The following TMED7 variants were observed in gnomAD, a reference collection of about 807,000 sequenced individuals.
TMED7 encodes the protein transmembrane p24 trafficking protein 7.
A neutral mutation model predicts 23.4 loss-of-function variants in TMED7; 8 were observed. The ratio of observed to expected loss-of-function variants is 0.34; its 90% confidence interval spans 0.20 to 0.62. TMED7 has a LOEUF of 0.62. Among genes scored for constraint, TMED7 ranks in the 20% least tolerant of loss-of-function variants. The pLI is 0.77. For synonymous variants in TMED7, 121 were observed against 108.5 expected (o/e 1.12, Z -0.72); for missense variants, 232 against 279.1 (o/e 0.83, Z 1.20).
chr5:115,616,862 AAAAAT>A lies in TMED7; in HGVS notation c.439-422_439-418del, dbSNP rs528719750. Reference sequence around the variant, plus strand: ...TATAAGTCAAAGCCCAAATATCTATAAAAATAAACAAAGCACAGTACAAAAAAAAG... The same window carrying A: ...TATAAGTCAAAGCCCAAATATCTATAAAACAAAGCACAGTACAAAAAAAAG... On this transcript the variant is annotated intron_variant, in intron 2 of 2. Transcript: ENST00000456936. Among the ~76,000 whole-genome samples the A allele has an allele frequency of 3.3e-5, 5 of 152,354 alleles. No homozygotes were observed. In the South Asian group the frequency reaches 1.0e-3, roughly 32 times the overall value.
chr5:115,622,556 A>C (rs909987696), intron 1 of TMED7, among the ~76,000 whole-genome samples: 6 of 152,192 alleles, frequency 3.9e-5, no homozygotes. Context: ...GGTCCTGTGC[A>C]CTGTGACACG....
At position 115,622,198 on chromosome 5, in the gene TMED7, C is replaced by A. The variant is rs73260567; in HGVS notation, c.193-1518G>T. ...AATAATCAAACACATACATACAAAC[C>A]GAATAGCACCAGAACTTATCATCAC... On this transcript the variant is annotated intron_variant, in intron 1 of 2. Coordinates refer to ENST00000456936, the MANE Select transcript of TMED7 (RefSeq NM_181836.6). 8.9e-3 allele frequency among the ~76,000 whole-genome samples: 1,352 copies of A among 152,124 alleles called. 15 individuals are homozygous for A. The highest frequency in any genetic ancestry group is 0.031 in the African/African-American group (1,287 of 41,470).
chr5:115,618,916 G>C (rs532998498), intron 2 of TMED7, among the ~76,000 whole-genome samples: 1 of 151,060 alleles, frequency 6.6e-6, no homozygotes. Context: ...TGGTAATTTT[G>C]TTCTGAACTT....
intron 1 of TMED7, among the ~76,000 whole-genome samples, chr5:115,625,010 T>C (rs1757152922): frequency 6.6e-6 from 1 of 152,254 alleles, no homozygotes. Context: ...CAGTAAAGAC[T>C]GTTCTAACCA....
Position 115,620,573 on chromosome 5 carries a change from G to A in TMED7, c.300C>T (p.Ala100=). ...KKQYDSFTFT[A]SKNGTYKFCF... ...AAAATTTGTATGTCCCATTTTTGGAGGCTGTGAAGGTAAAACTATCATACT... is the reference window on the plus strand; with the variant it reads ...AAAATTTGTATGTCCCATTTTTGGAAGCTGTGAAGGTAAAACTATCATACT... Residue 100 remains alanine (A), a synonymous_variant, in exon 2 of 3, where the codon GCC becomes GCT. Coordinates refer to ENST00000456936, the MANE Select transcript of TMED7 (RefSeq NM_181836.6). 6.2e-7 allele frequency: 1 copy of A among 1,606,966 alleles called. No homozygotes were observed. The highest frequency in any genetic ancestry group is 1.1e-5 in the South Asian group (1 of 89,426).
Position 115,616,488 on chromosome 5 carries a change from T to C in TMED7, c.439-43A>G, listed in dbSNP as rs373492578. On this transcript the variant is annotated intron_variant, in intron 2 of 2. Transcript: ENST00000456936. ...CAGTCAGTATGTGTGATACTTTCTG[T>C]AGACTTCATCTATCATATTCAGCTT... 6 of 1,611,974 alleles carry C rather than the reference T, an allele frequency of 3.7e-6. No homozygotes were observed. In the African/African-American group the frequency reaches 5.3e-5, roughly 14 times the overall value.
chr5:115,625,883 C>T lies in TMED7; in HGVS notation c.-91G>A. 7.6e-7 allele frequency: 1 copy of T among 1,317,088 alleles called. No homozygotes were observed. Among genetic ancestry groups the T allele is most frequent in the Non-Finnish European group, 9.6e-7 (1 of 1,039,096 alleles). 81.6% of individuals were successfully genotyped at this position (1,317,088 alleles called of 1,614,324 possible). On this transcript the variant is annotated 5_prime_UTR_variant, in exon 1 of 3. Transcript: ENST00000456936. The stretch of plus-strand genomic sequence containing the variant: ...CGCGCGCGGCAGGCCTCAGCGCAGG[C>T]CACCCCGCAAAGATACACAGCAGAG...
chr5:115,615,907 A>T lies in TMED7; in HGVS notation c.*302T>A. Reference sequence around the variant, plus strand: ...AGAAAAGTAGTCTTAAATGGTTAAAAGGAATCAAAATACCAAAGTTTAGTG... The same window carrying T: ...AGAAAAGTAGTCTTAAATGGTTAAATGGAATCAAAATACCAAAGTTTAGTG... On this transcript the variant is annotated 3_prime_UTR_variant, in exon 3 of 3. Coordinates refer to ENST00000456936, the MANE Select transcript of TMED7 (RefSeq NM_181836.6). 1 of 329,344 alleles carries T rather than the reference A, an allele frequency of 3.0e-6. No individual in the cohort carries two copies. Among genetic ancestry groups the T allele is most frequent in the Non-Finnish European group, 5.6e-6 (1 of 177,856 alleles). 20.4% of individuals were successfully genotyped at this position (329,344 alleles called of 1,614,324 possible).
rs1757200908 is a variant in TMED7 at position 115,625,911 on chromosome 5, G to A, written c.-119C>T. ...CCCCGCAAAGATACACAGCAGAGCAGGTTCACGCCTGTGGGAGATTCGGGA... is the reference window on the plus strand; with the variant it reads ...CCCCGCAAAGATACACAGCAGAGCAAGTTCACGCCTGTGGGAGATTCGGGA... On this transcript the variant is annotated 5_prime_UTR_variant, in exon 1 of 3. Coordinates refer to ENST00000456936, the MANE Select transcript of TMED7 (RefSeq NM_181836.6). The A allele has an allele frequency of 3.2e-6, 4 of 1,257,918 alleles. No homozygotes were observed. Among genetic ancestry groups the A allele is most frequent in the Non-Finnish European group, 4.0e-6 (4 of 994,856 alleles). 77.9% of individuals were successfully genotyped at this position (1,257,918 alleles called of 1,614,324 possible).
At chr5:115,624,735 C>T (rs2112579927) in intron 1 of TMED7, among the ~76,000 whole-genome samples, 1 of 152,342 alleles carries the variant, frequency 6.6e-6, no homozygotes, top group East Asian at 1.9e-4. Context: ...TCCCCCTCCT[C>T]CCTTACCAAG....
In TMED7 at chr5:115,616,176, AGT is replaced by A. The variant is rs1756732393; in HGVS notation, c.*31_*32del. 1 of 1,583,034 alleles carries A rather than the reference AGT, an allele frequency of 6.3e-7. No individual in the cohort carries two copies. Reference sequence around the variant, plus strand: ...ATTAATTAGAGGACAGCAATATTACAGTGGCAATGGTGCATCAATTCTCAAAA... The same window carrying A: ...ATTAATTAGAGGACAGCAATATTACAGGCAATGGTGCATCAATTCTCAAAA... On this transcript the variant is annotated 3_prime_UTR_variant, in exon 3 of 3. Coordinates refer to ENST00000456936, the MANE Select transcript of TMED7 (RefSeq NM_181836.6).
Position 115,615,492 on chromosome 5 carries a change from T to C in TMED7, c.*717A>G, listed in dbSNP as rs1756686317. 6.6e-6 allele frequency: 1 copy of C among 152,310 alleles called. No homozygotes were observed. The highest frequency in any genetic ancestry group is 1.5e-5 in the Non-Finnish European group (1 of 68,026). The allele number at this position is 152,310 out of a possible 1,614,324, so 9.4% of individuals were successfully genotyped here. On this transcript the variant is annotated 3_prime_UTR_variant, in exon 3 of 3. Transcript: ENST00000456936. The stretch of plus-strand genomic sequence containing the variant: ...TTTCATTTGCCCCCATTGTAGTGTC[T>C]TAAATTATTCTGTAATATTTCTACC...
chr5:115,620,591 A>T lies in TMED7; in HGVS notation c.282T>A (p.Asp94Glu). The T allele has an allele frequency of 6.2e-7, 1 of 1,604,758 alleles. No homozygotes were observed. Among genetic ancestry groups the T allele is most frequent in the Non-Finnish European group, 8.5e-7 (1 of 1,176,510 alleles). The part of the protein sequence containing the change: ...VLYKEMKKQY[D>E]SFTFTASKNG... ...TTTTGGAGGCTGTGAAGGTAAAACT[A>T]TCATACTGTTTCTTCATCTCTTTGT... The change falls in exon 2 of 3, where the codon GAT (aspartate) becomes GAA (glutamate). Residue 94 changes from aspartate to glutamate, a missense_variant. Transcript: ENST00000456936.
intron 2 of TMED7, among the ~76,000 whole-genome samples, chr5:115,618,539 T>G (rs1756885816): frequency 6.6e-6 from 1 of 152,224 alleles, no homozygotes; most frequent in South Asian, 2.1e-4. Context: ...CTGTGGCATT[T>G]CCCACGTCCT....
rs1057277702 is a variant in TMED7 at position 115,615,656 on chromosome 5, C to G, written c.*553G>C. On this transcript the variant is annotated 3_prime_UTR_variant, in exon 3 of 3. Transcript: ENST00000456936. ...ATAAACCCCAAAAACAAAAGTCTGA[C>G]ATTTTCTAAGCTAGTGAGAAATCAA... is the stretch of plus-strand genomic sequence containing the variant. The G allele has an allele frequency of 5.2e-5, 8 of 153,238 alleles. No homozygotes were observed. The South Asian group carries it at 1.6e-3, about 31-fold the overall frequency. 9.5% of individuals were successfully genotyped at this position (153,238 alleles called of 1,614,324 possible).
At position 115,616,290 on chromosome 5, in the gene TMED7, CA is replaced by C; in HGVS notation, c.593del (p.Leu198ArgfsTer5). The part of the protein sequence containing the change: ...YWSVGEALIL[L>X]VVSIGQVFLL... The stretch of plus-strand genomic sequence containing the variant: ...GAAATACCTGCCCTATGCTAACCAC[CA>C]GAAGAATGAGGGCTTCTCCTACTGA... On this transcript the variant is annotated frameshift_variant, in exon 3 of 3. Coordinates refer to ENST00000456936, the MANE Select transcript of TMED7 (RefSeq NM_181836.6). LOFTEE classifies it high-confidence loss of function. 6.2e-7 allele frequency: 1 copy of C among 1,614,150 alleles called. No homozygotes were observed. The highest frequency in any genetic ancestry group is 8.5e-7 in the Non-Finnish European group (1 of 1,180,008).
rs1238519747 is a variant in TMED7 at position 115,625,544 on chromosome 5, A to G, written c.192+57T>C. On this transcript the variant is annotated intron_variant, in intron 1 of 2. Coordinates refer to ENST00000456936, the MANE Select transcript of TMED7 (RefSeq NM_181836.6). ...ACAGGAAAGTGCCATCCCTCAAGTT[A>G]CACCCCCAATCCTGGAGCCGCGAGT... 3 of 1,437,040 alleles carry G rather than the reference A, an allele frequency of 2.1e-6. No individual in the cohort carries two copies. The Admixed American group carries it at 8.1e-5, about 39-fold the overall frequency. The allele number at this position is 1,437,040 out of a possible 1,614,324, so 89.0% of individuals were successfully genotyped here.
chr5:115,625,540 A>G lies in TMED7; in HGVS notation c.192+61T>C, dbSNP rs1757170677. On this transcript the variant is annotated intron_variant, in intron 1 of 2. Transcript: ENST00000456936. The stretch of plus-strand genomic sequence containing the variant: ...ACGGACAGGAAAGTGCCATCCCTCA[A>G]GTTACACCCCCAATCCTGGAGCCGC... 2.8e-6 allele frequency: 4 copies of G among 1,427,084 alleles called. No homozygotes were observed. The South Asian group carries it at 4.6e-5, about 16-fold the overall frequency. 88.4% of individuals were successfully genotyped at this position (1,427,084 alleles called of 1,614,324 possible).
At chr5:115,622,814 C>A (rs1757078940) in intron 1 of TMED7, among the ~76,000 whole-genome samples, 1 of 152,124 alleles carries the variant, frequency 6.6e-6, no homozygotes, top group Admixed American at 6.5e-5. Flanking sequence ...TTATTCACAC[C>A]CTTACTCGTT....
Sources: gnomAD v4.1 joint callset for allele counts (sites outside exome capture counted in the v4.1 genomes callset) on GRCh38, gnomAD v4.1.1 for gene constraint, MANE v1.5 for transcripts, NCBI Gene and HGNC (gene_info 2026-07-23, HGNC 2026-07-21) for gene names.